RAB31: variants seen among roughly 807,000 people sequenced by gnomAD.
The protein encoded by RAB31 is ras-related protein Rab-31.
RAB31 carries 21 observed loss-of-function variants against 25.6 expected under a neutral mutation model. That is an observed-to-expected ratio of 0.82 (90% CI 0.58 to 1.18). RAB31 has a LOEUF of 1.18. RAB31 is among the 50% of genes most tolerant of loss of function. The pLI is 0.00. For missense variants in RAB31, 196 were observed against 250.1 expected (o/e 0.78, Z 1.46); for synonymous variants, 87 against 84.0 (o/e 1.04, Z -0.20).
At chr18:9,848,350 G>T (rs554385700) in intron 6 of RAB31, among the ~76,000 whole-genome samples, 2 of 151,438 alleles carry the variant, frequency 1.3e-5, no homozygotes, top group African/African-American at 4.9e-5. Context: ...CCATCTGTCC[G>T]TCTATCTATC....
chr18:9,823,520 C>T (rs1037355761), intron 5 of RAB31, among the ~76,000 whole-genome samples: 2 of 151,936 alleles, frequency 1.3e-5, no homozygotes, highest in East Asian at 1.9e-4. Context: ...GGAAACTGGG[C>T]GAAGTGTATG....
In RAB31 at chr18:9,821,127, A is replaced by G. The variant is rs78598173; in HGVS notation, c.380+5905A>G. Among the ~76,000 whole-genome samples the G allele has an allele frequency of 1.2e-3, 180 of 152,164 alleles. 1 individual carries two copies. The East Asian group carries it at 0.02, about 17-fold the overall frequency. On this transcript the variant is annotated intron_variant, in intron 5 of 6. Transcript: ENST00000578921. ...TAATTCGTGTTCTAACCCATTGTTTATTTAATAGCATATGCAATTCCCAAA... is the reference window on the plus strand; with the variant it reads ...TAATTCGTGTTCTAACCCATTGTTTGTTTAATAGCATATGCAATTCCCAAA...
At chr18:9,856,045 G>A (rs1356516698) in intron 6 of RAB31, 1 of 152,160 alleles carries the variant, frequency 6.6e-6, no homozygotes, top group Non-Finnish European at 1.5e-5. Flanking sequence ...CATTGAACTG[G>A]AATGCTGACT....
intron 5 of RAB31, among the ~76,000 whole-genome samples, chr18:9,835,409 G>A (rs550476229): frequency 6.6e-6 from 1 of 151,630 alleles, no homozygotes; most frequent in African/African-American, 2.4e-5. Context: ...AAGAGGCAAA[G>A]GAATGGCCAA....
intron 5 of RAB31, among the ~76,000 whole-genome samples, chr18:9,841,538 C>CTAAA (rs2068734210): frequency 9.9e-6 from 1 of 100,862 alleles, no homozygotes; most frequent in Non-Finnish European, 1.9e-5. Flanking sequence ...GACTCTGTCT[C>CTAAA]AAAAAAAAAA....
At chr18:9,739,499 C>G (rs369450888) in intron 1 of RAB31, among the ~76,000 whole-genome samples, 2 of 151,004 alleles carry the variant, frequency 1.3e-5, no homozygotes, top group East Asian at 3.9e-4. Flanking sequence ...AGAATTCAGA[C>G]TCAGGGTGCA....
At chr18:9,823,653 G>A (rs918939356) in intron 5 of RAB31, among the ~76,000 whole-genome samples, 1 of 152,172 alleles carries the variant, frequency 6.6e-6, no homozygotes. Flanking sequence ...ACAGTCAGGT[G>A]AGGGTATGTG....
chr18:9,759,788 G>A (rs554521816), intron 1 of RAB31, among the ~76,000 whole-genome samples: 30 of 152,250 alleles, frequency 2.0e-4, no homozygotes, highest in Admixed American at 8.5e-4. Context: ...GCCTCTCTAT[G>A]GTGGTAGAAA....
At chr18:9,817,295 T>C (rs2068603917) in intron 5 of RAB31, among the ~76,000 whole-genome samples, 1 of 152,204 alleles carries the variant, frequency 6.6e-6, no homozygotes. Context: ...GACTAGAATT[T>C]AAGCAGAAAA....
chr18:9,770,724 G>A (rs2068340270), intron 1 of RAB31, among the ~76,000 whole-genome samples: 1 of 152,128 alleles, frequency 6.6e-6, no homozygotes, highest in Non-Finnish European at 1.5e-5. Context: ...TCAATAATTT[G>A]AGCCCCTTTC....
At chr18:9,728,875 A>G (rs565638312) in intron 1 of RAB31, among the ~76,000 whole-genome samples, 1 of 152,278 alleles carries the variant, frequency 6.6e-6, no homozygotes, top group East Asian at 1.9e-4. Flanking sequence ...TGCTAATATT[A>G]TAGATTAAAA....
At chr18:9,763,813 T>A (rs2068301031) in intron 1 of RAB31, among the ~76,000 whole-genome samples, 1 of 152,164 alleles carries the variant, frequency 6.6e-6, no homozygotes, top group African/African-American at 2.4e-5. Flanking sequence ...TCAATATTAT[T>A]ATTTTGCTCA....
At chr18:9,800,927 A>T (rs565365797) in intron 3 of RAB31, among the ~76,000 whole-genome samples, 9 of 152,208 alleles carry the variant, frequency 5.9e-5, no homozygotes, top group Non-Finnish European at 1.0e-4. Context: ...GAGCATTTTT[A>T]TCAGTCCAGA....
chr18:9,833,051 C>T (rs1355852546), intron 5 of RAB31, among the ~76,000 whole-genome samples: 2 of 152,060 alleles, frequency 1.3e-5, no homozygotes, highest in Non-Finnish European at 2.9e-5. Context: ...GAAAGGTGCA[C>T]GAAAACGTGA....
chr18:9,752,476 C>A (rs1179647966), intron 1 of RAB31, among the ~76,000 whole-genome samples: 1 of 152,128 alleles, frequency 6.6e-6, no homozygotes, highest in African/African-American at 2.4e-5. Flanking sequence ...CTGCCCGCCT[C>A]GGCCTCCCAA....
chr18:9,825,084 T>G (rs767466317), intron 5 of RAB31, among the ~76,000 whole-genome samples: 3 of 152,134 alleles, frequency 2.0e-5, no homozygotes, highest in Non-Finnish European at 4.4e-5. Context: ...GATGCTGGAG[T>G]TAGGCTTGCA....
intron 6 of RAB31, among the ~76,000 whole-genome samples, chr18:9,850,503 A>C (rs2068783845): frequency 6.6e-6 from 1 of 152,206 alleles, no homozygotes; most frequent in East Asian, 1.9e-4. Flanking sequence ...AGAGAGGTGG[A>C]GCTGCAGGCT....
chr18:9,719,949 C>A (rs1428953665), intron 1 of RAB31, among the ~76,000 whole-genome samples: 2 of 149,908 alleles, frequency 1.3e-5, no homozygotes, highest in African/African-American at 4.9e-5. Flanking sequence ...GCCAGGGATG[C>A]CGTCAAGCCT....
intron 5 of RAB31, among the ~76,000 whole-genome samples, chr18:9,820,171 C>A (rs2068617934): frequency 6.6e-6 from 1 of 152,056 alleles, no homozygotes; most frequent in Admixed American, 6.6e-5. Flanking sequence ...AAGTATCACA[C>A]TAACTGGTTT....
Sources: allele counts gnomAD v4.1 joint callset (sites outside exome capture counted in the v4.1 genomes callset), GRCh38; gene constraint gnomAD v4.1.1; transcripts MANE v1.5; gene names NCBI Gene and HGNC (gene_info 2026-07-23, HGNC 2026-07-21).